Variants in GNB4 observed in about 807,000 individuals in gnomAD.
GNB4 encodes the protein guanine nucleotide-binding protein subunit beta-4.
In GNB4, 28 loss-of-function variants were observed where a neutral mutation model predicts 45.2. That is an observed-to-expected ratio of 0.62 (90% CI 0.46 to 0.85). The LOEUF is 0.85. Among genes scored for constraint, GNB4 ranks in the 40% least tolerant of loss-of-function variants. The probability of loss-of-function intolerance (pLI) is 0.00; values close to 1 mark genes in which losing one functional copy is unlikely to be tolerated. For missense variants in GNB4, 321 were observed against 425.4 expected (o/e 0.75, Z 2.16); for synonymous variants, 132 against 143.7 (o/e 0.92, Z 0.58).
At chr3:179,502,433 A>G in the GNB4 span, among the ~76,000 whole-genome samples, 7 of 151,736 alleles carry the variant, frequency 4.6e-5, no homozygotes, top group Non-Finnish European at 7.4e-5. Flanking sequence ...AGGTTTCACT[A>G]TGTTGGCCAC....
At chr3:179,429,286 A>T (rs977068692) in intron 1 of GNB4, among the ~76,000 whole-genome samples, 2 of 152,242 alleles carry the variant, frequency 1.3e-5, no homozygotes, top group Non-Finnish European at 2.9e-5. Flanking sequence ...AATCCAGTGC[A>T]CGTGCAGCAT....
the GNB4 span, among the ~76,000 whole-genome samples, chr3:179,527,499 G>A: frequency 3.3e-5 from 5 of 152,072 alleles, no homozygotes; most frequent in African/African-American, 9.7e-5. Context: ...TGCACTAAAT[G>A]TTTTATATTC....
Position 179,398,133 on chromosome 3 carries a change from C to G in GNB4, c.*3080G>C, listed in dbSNP as rs917389024. The stretch of plus-strand genomic sequence containing the variant: ...TATCTCTAAAATATTCTTGCCAGAT[C>G]TCAAAAAACTACTCTTCTTGACATG... On this transcript the variant is annotated 3_prime_UTR_variant, in exon 10 of 10. Transcript: ENST00000232564. The G allele has an allele frequency of 2.0e-5, 3 of 152,104 alleles. No individual in the cohort carries two copies. Among genetic ancestry groups the G allele is most frequent in the Admixed American group, 6.5e-5 (1 of 15,268 alleles). 9.4% of individuals were successfully genotyped at this position (152,104 alleles called of 1,614,324 possible).
the GNB4 span, among the ~76,000 whole-genome samples, chr3:179,489,708 A>G: frequency 6.6e-6 from 1 of 152,210 alleles, no homozygotes; most frequent in Admixed American, 6.5e-5. Flanking sequence ...TTTTCCTGAT[A>G]CTAAATTCTA....
At chr3:179,527,786 A>ATGTGTGTGTG in the GNB4 span, among the ~76,000 whole-genome samples, 1,894 of 124,864 alleles carry the variant, frequency 0.015, 20 homozygotes, top group Admixed American at 0.03. Flanking sequence ...GCGTGTGTGT[A>ATGTGTGTGTG]TGTATGTGTG....
the GNB4 span, among the ~76,000 whole-genome samples, chr3:179,483,082 C>T: frequency 8.5e-5 from 13 of 152,184 alleles, no homozygotes; most frequent in East Asian, 1.9e-4. Context: ...TTCTGCCTTC[C>T]GGACAACAAT....
chr3:179,428,145 A>C (rs1715200190), intron 1 of GNB4, among the ~76,000 whole-genome samples: 2 of 152,230 alleles, frequency 1.3e-5, no homozygotes, highest in South Asian at 4.1e-4. Flanking sequence ...TTCAGAATTC[A>C]CTTTGTATTT....
At chr3:179,488,160 C>T in the GNB4 span, among the ~76,000 whole-genome samples, 1 of 152,154 alleles carries the variant, frequency 6.6e-6, no homozygotes, top group African/African-American at 2.4e-5. Flanking sequence ...AGAGTGATTT[C>T]CGTAACCTTC....
chr3:179,516,358 T>C, the GNB4 span, among the ~76,000 whole-genome samples: 1 of 152,174 alleles, frequency 6.6e-6, no homozygotes, highest in South Asian at 2.1e-4. Context: ...GAAATGACCA[T>C]GGTGGCCTTT....
intron 5 of GNB4, among the ~76,000 whole-genome samples, chr3:179,415,550 A>G (rs920508131): frequency 8.5e-5 from 13 of 152,134 alleles, no homozygotes; most frequent in African/African-American, 3.1e-4. Context: ...ATCTCATTCA[A>G]ACAATGGTGA....
At chr3:179,502,915 C>G in the GNB4 span, among the ~76,000 whole-genome samples, 1 of 152,228 alleles carries the variant, frequency 6.6e-6, no homozygotes, top group Non-Finnish European at 1.5e-5. Context: ...TCATAGCTTA[C>G]TGTAACCTCA....
At chr3:179,506,316 C>A in the GNB4 span, among the ~76,000 whole-genome samples, 3 of 151,282 alleles carry the variant, frequency 2.0e-5, no homozygotes, top group African/African-American at 7.3e-5. Context: ...CCAGCCTGGG[C>A]GATGAAGTGA....
the GNB4 span, among the ~76,000 whole-genome samples, chr3:179,480,988 T>C: frequency 3.3e-5 from 5 of 151,850 alleles, no homozygotes; most frequent in East Asian, 2.0e-4. Flanking sequence ...GTAGCTGGGA[T>C]TACAGGCGCC....
chr3:179,396,212 C>T lies in GNB4; in HGVS notation c.*5001G>A, dbSNP rs1016626478. ...AGAACAGTTAAATCATGATACAAGTCCATAGTTTATATGGTTTAGAGCTTT... is the reference window on the plus strand; with the variant it reads ...AGAACAGTTAAATCATGATACAAGTTCATAGTTTATATGGTTTAGAGCTTT... On this transcript the variant is annotated 3_prime_UTR_variant, in exon 10 of 10. Transcript: ENST00000232564. The T allele has an allele frequency of 2.0e-5, 3 of 152,146 alleles. No individual in the cohort carries two copies. Among genetic ancestry groups the T allele is most frequent in the African/African-American group, 7.2e-5 (3 of 41,430 alleles). 9.4% of individuals were successfully genotyped at this position (152,146 alleles called of 1,614,324 possible). A position where few individuals can be genotyped will look rare whatever the true frequency, so the allele number is the denominator to read the frequency against.
the GNB4 span, among the ~76,000 whole-genome samples, chr3:179,523,554 G>T: frequency 6.6e-6 from 1 of 152,298 alleles, no homozygotes; most frequent in African/African-American, 2.4e-5. Flanking sequence ...AGACTTGTCT[G>T]GTTTTTGGAC....
rs1464893320 is a variant in GNB4 at position 179,398,859 on chromosome 3, A to G, written c.*2354T>C. 6.6e-6 allele frequency: 1 copy of G among 152,200 alleles called. No homozygotes were observed. Among genetic ancestry groups the G allele is most frequent in the African/African-American group, 2.4e-5 (1 of 41,452 alleles). 9.4% of individuals were successfully genotyped at this position (152,200 alleles called of 1,614,324 possible). A position where few individuals can be genotyped will look rare whatever the true frequency, so the allele number is the denominator to read the frequency against. On this transcript the variant is annotated 3_prime_UTR_variant, in exon 10 of 10. Transcript: ENST00000232564. ...GTTAAATAGTTTTTAGTTGCCGAGT[A>G]AATATTTAATTATGGGAATTGCTTT...
chr3:179,441,240 A>G (rs927802763), intron 1 of GNB4, among the ~76,000 whole-genome samples: 2 of 152,178 alleles, frequency 1.3e-5, no homozygotes, highest in Non-Finnish European at 2.9e-5. Flanking sequence ...TCCTTAGGCA[A>G]TTTCATCACT....
At chr3:179,454,747 G>T (rs1036708758), upstream of GNB4, among the ~76,000 whole-genome samples, 4 of 152,134 alleles carry the variant, frequency 2.6e-5, no homozygotes, top group Non-Finnish European at 5.9e-5. Context: ...TGTATGTGTT[G>T]TATGCATTCC....
chr3:179,452,026 T>C (rs1011637332), upstream of GNB4, among the ~76,000 whole-genome samples: 19 of 152,162 alleles, frequency 1.2e-4, no homozygotes, highest in African/African-American at 4.3e-4. Flanking sequence ...ATAAAGATAC[T>C]GATACCTGCC....
Sources: gnomAD v4.1 joint callset for allele counts (sites outside exome capture counted in the v4.1 genomes callset) on GRCh38, gnomAD v4.1.1 for gene constraint, MANE v1.5 for transcripts, NCBI Gene and HGNC (gene_info 2026-07-23, HGNC 2026-07-21) for gene names.